Variants in KIF6 observed in about 807,000 individuals in gnomAD.
KIF6 encodes kinesin family member 6.
KIF6 carries 106 observed loss-of-function variants against 112.7 expected under a neutral mutation model. That is an observed-to-expected ratio of 0.94 (90% CI 0.80 to 1.11). The LOEUF (loss-of-function observed/expected upper bound fraction) is 1.11. KIF6 is among the 50% of genes least tolerant of loss of function. The pLI is 0.00. For synonymous variants in KIF6, 339 were observed against 339.9 expected, an observed-to-expected ratio of 1.00 and a Z score of 0.03; for missense variants, 929 against 964.0, an observed-to-expected ratio of 0.96 and a Z score of 0.48.
At chr6:39,610,827 G>C (rs1302840157) in intron 6 of KIF6, among the ~76,000 whole-genome samples, 2 of 152,074 alleles carry the variant, frequency 1.3e-5, no homozygotes, top group Admixed American at 6.6e-5. Flanking sequence ...CCAAAGAAAA[G>C]ACAAAAGCAA....
intron 6 of KIF6, among the ~76,000 whole-genome samples, chr6:39,607,219 T>C (rs868211017): frequency 2.6e-5 from 4 of 152,128 alleles, no homozygotes; most frequent in Admixed American, 6.5e-5. Context: ...GTATATGGAG[T>C]ATATAAATCT....
At chr6:39,559,853 C>T (rs1779919195) in intron 10 of KIF6, among the ~76,000 whole-genome samples, 7 of 150,970 alleles carry the variant, frequency 4.6e-5, no homozygotes, top group Admixed American at 4.6e-4. Flanking sequence ...GGTATAACAG[C>T]AAATATCAAC....
intron 14 of KIF6, among the ~76,000 whole-genome samples, chr6:39,426,524 G>C (rs923413290): frequency 3.3e-5 from 5 of 152,170 alleles, no homozygotes; most frequent in Non-Finnish European, 7.4e-5. Context: ...CCCAGGGAGG[G>C]GGGAGGATCA....
intron 10 of KIF6, among the ~76,000 whole-genome samples, chr6:39,573,725 T>G (rs554578370): frequency 6.6e-6 from 1 of 152,340 alleles, no homozygotes; most frequent in African/African-American, 2.4e-5. Context: ...TTTACATGAT[T>G]CCTGAGCCCA....
At chr6:39,447,947 G>T (rs1274474670) in intron 13 of KIF6, among the ~76,000 whole-genome samples, 1 of 152,108 alleles carries the variant, frequency 6.6e-6, no homozygotes, top group African/African-American at 2.4e-5. Flanking sequence ...ATAAGGTTAG[G>T]GAACTGCACG....
chr6:39,685,538 A>G (rs1181288550), intron 3 of KIF6, among the ~76,000 whole-genome samples: 3 of 152,242 alleles, frequency 2.0e-5, no homozygotes, highest in Admixed American at 2.0e-4. Context: ...AGAGAAGCGT[A>G]TTAGGACTGT....
At chr6:39,424,984 C>A (rs1770656847) in intron 14 of KIF6, among the ~76,000 whole-genome samples, 1 of 152,112 alleles carries the variant, frequency 6.6e-6, no homozygotes, top group African/African-American at 2.4e-5. Context: ...AGAAAGAATC[C>A]CATCCTGCTG....
intron 3 of KIF6, among the ~76,000 whole-genome samples, chr6:39,684,514 C>G (rs1450661169): frequency 6.6e-6 from 1 of 151,732 alleles, no homozygotes; most frequent in African/African-American, 2.4e-5. Flanking sequence ...ACTCGGGAGG[C>G]TGAGGCAAAA....
chr6:39,373,098 A>T (rs1170051046), intron 16 of KIF6, among the ~76,000 whole-genome samples: 1 of 152,218 alleles, frequency 6.6e-6, no homozygotes, highest in Non-Finnish European at 1.5e-5. Context: ...AATACATTCT[A>T]GTCTAGCAGA....
intron 7 of KIF6, among the ~76,000 whole-genome samples, chr6:39,594,191 T>G (rs1313802005): frequency 6.6e-6 from 1 of 151,436 alleles, no homozygotes; most frequent in Non-Finnish European, 1.5e-5. Flanking sequence ...CATAGCAGTT[T>G]GCAAAGGCTT....
intron 10 of KIF6, among the ~76,000 whole-genome samples, chr6:39,576,524 C>G (rs1780983385): frequency 3.3e-5 from 5 of 152,150 alleles, no homozygotes; most frequent in Admixed American, 3.3e-4. Flanking sequence ...TTCTGGATAA[C>G]TTCAGCCAAC....
chr6:39,610,774 T>C (rs946225328), intron 6 of KIF6, among the ~76,000 whole-genome samples: 4 of 152,138 alleles, frequency 2.6e-5, no homozygotes, highest in Non-Finnish European at 4.4e-5. Flanking sequence ...ATGGAAAGAC[T>C]TACACTAAGC....
chr6:39,365,783 A>G (rs1765512180), intron 16 of KIF6, among the ~76,000 whole-genome samples: 1 of 152,262 alleles, frequency 6.6e-6, no homozygotes, highest in South Asian at 2.1e-4. Context: ...GACTGGCTAG[A>G]CGTCCTGCTG....
chr6:39,657,425 C>G (rs1197354813), intron 3 of KIF6, among the ~76,000 whole-genome samples: 1 of 152,012 alleles, frequency 6.6e-6, no homozygotes, highest in Non-Finnish European at 1.5e-5. Context: ...TGCCTGCACT[C>G]TTGGGGAGCT....
At chr6:39,501,347 G>T (rs983411985) in intron 13 of KIF6, among the ~76,000 whole-genome samples, 1 of 152,154 alleles carries the variant, frequency 6.6e-6, no homozygotes, top group African/African-American at 2.4e-5. Context: ...AAAGACTGAA[G>T]GTAGATAAGC....
intron 5 of KIF6, among the ~76,000 whole-genome samples, chr6:39,630,746 G>A (rs1358773464): frequency 6.6e-6 from 1 of 151,922 alleles, no homozygotes; most frequent in Non-Finnish European, 1.5e-5. Flanking sequence ...TACTTTCCTT[G>A]TTCCTGATCT....
At chr6:39,560,962 A>C (rs1054909852) in intron 10 of KIF6, among the ~76,000 whole-genome samples, 1 of 152,254 alleles carries the variant, frequency 6.6e-6, no homozygotes, top group Admixed American at 6.5e-5. Flanking sequence ...AAGCAATGAA[A>C]ATACTGTTGC....
At chr6:39,625,961 A>G (rs1377459867) in intron 5 of KIF6, among the ~76,000 whole-genome samples, 1 of 152,116 alleles carries the variant, frequency 6.6e-6, no homozygotes, top group East Asian at 1.9e-4. Context: ...GGTTCCAAAG[A>G]GATTTAGGGC....
At chr6:39,571,339 C>G (rs1277722185) in intron 10 of KIF6, among the ~76,000 whole-genome samples, 1 of 152,166 alleles carries the variant, frequency 6.6e-6, no homozygotes, top group Non-Finnish European at 1.5e-5. Flanking sequence ...ATTTCTCACT[C>G]CAGCCAATTC....
Sources: gnomAD v4.1 joint callset for allele counts (sites outside exome capture counted in the v4.1 genomes callset) on GRCh38, gnomAD v4.1.1 for gene constraint, MANE v1.5 for transcripts, NCBI Gene and HGNC (gene_info 2026-07-23, HGNC 2026-07-21) for gene names.